Variants in PCSK5 observed in about 807,000 individuals in gnomAD.
PCSK5 encodes prohormone convertase 5.
PCSK5 carries 129 observed loss-of-function variants against 233.2 expected under a neutral mutation model. The ratio of observed to expected loss-of-function variants is 0.55; its 90% CI spans 0.48 to 0.64. The LOEUF is 0.64. PCSK5 is among the 30% of genes least tolerant of loss of function. The pLI is 0.00. For synonymous variants in PCSK5, 825 were observed against 879.2 expected (o/e 0.94, Z 1.09); for missense variants, 2,076 against 2,430.1 (o/e 0.85, Z 3.06).
chr9:76,334,289 C>A (rs1324307562), intron 34 of PCSK5, among the ~76,000 whole-genome samples: 2 of 152,170 alleles, frequency 1.3e-5, no homozygotes, highest in African/African-American at 4.8e-5. Flanking sequence ...GACACAGAAC[C>A]AAACCATATC....
intron 1 of PCSK5, among the ~76,000 whole-genome samples, chr9:75,925,940 G>T (rs151070059): frequency 6.6e-6 from 1 of 152,180 alleles, no homozygotes; most frequent in East Asian, 1.9e-4. Flanking sequence ...AATCAGAAAT[G>T]AGTTTAACAA....
intron 4 of PCSK5, among the ~76,000 whole-genome samples, chr9:76,026,206 A>T (rs1760573309): frequency 6.6e-6 from 1 of 152,220 alleles, no homozygotes; most frequent in South Asian, 2.1e-4. Flanking sequence ...TTTTTCAGTA[A>T]TGCAGGTATT....
chr9:76,154,220 T>C (rs905574615), intron 10 of PCSK5, among the ~76,000 whole-genome samples: 4 of 152,218 alleles, frequency 2.6e-5, no homozygotes, highest in Non-Finnish European at 4.4e-5. Context: ...TAACTGTAGC[T>C]AGTCAGCCTC....
intron 30 of PCSK5, among the ~76,000 whole-genome samples, chr9:76,314,313 A>G (rs147943722): frequency 8.5e-5 from 13 of 152,328 alleles, no homozygotes; most frequent in African/African-American, 3.1e-4. Context: ...ATAGAATTGC[A>G]AGCATATGCC....
At chr9:76,308,330 G>A (rs139236976) in intron 28 of PCSK5, among the ~76,000 whole-genome samples, 1 of 152,218 alleles carries the variant, frequency 6.6e-6, no homozygotes, top group African/African-American at 2.4e-5. Flanking sequence ...ACACACAAAA[G>A]AAGTAATTAT....
intron 24 of PCSK5, among the ~76,000 whole-genome samples, chr9:76,273,675 C>G (rs1827602453): frequency 6.7e-6 from 1 of 150,374 alleles, no homozygotes; most frequent in African/African-American, 2.4e-5. Flanking sequence ...CTCTGTCACC[C>G]AGGCTGGAGT....
At position 75,892,109 on chromosome 9, in the gene PCSK5, C is replaced by A. The variant is rs148771423; in HGVS notation, c.192+736C>A. Among the ~76,000 whole-genome samples, 760 of 152,256 alleles carry A rather than the reference C, an allele frequency of 5.0e-3. 1 individual carries two copies. The highest frequency in any genetic ancestry group is 0.017 in the African/African-American group (723 of 41,554). On this transcript the variant is annotated intron_variant, in intron 1 of 37. Transcript: ENST00000674117. ...CGCTCCGGGAAAACGAGGAGTCTTA[C>A]CCCGGGACGGAAGGTGCCGGGCCGG...
intron 12 of PCSK5, 138 bp from the exon 13 acceptor site, chr9:76,169,566 T>C (rs979608119): frequency 7.0e-6 from 4 of 570,234 alleles, no homozygotes; most frequent in Non-Finnish European, 1.2e-5. Context: ...TGCAAATTGG[T>C]GACATCCAGG....
intron 24 of PCSK5, among the ~76,000 whole-genome samples, chr9:76,278,919 T>G (rs1328803693): frequency 2.0e-5 from 3 of 152,184 alleles, no homozygotes; most frequent in Non-Finnish European, 2.9e-5. Flanking sequence ...ATGTTGCATT[T>G]TTTTTATTAT....
At chr9:76,347,233 G>T (rs1453086770) in intron 35 of PCSK5, among the ~76,000 whole-genome samples, 1 of 152,038 alleles carries the variant, frequency 6.6e-6, no homozygotes, top group Non-Finnish European at 1.5e-5. Flanking sequence ...GACCCCAGAA[G>T]TTGCTCTGCA....
intron 5 of PCSK5, among the ~76,000 whole-genome samples, chr9:76,055,574 A>T (rs1310177204): frequency 1.3e-5 from 2 of 152,250 alleles, no homozygotes; most frequent in Admixed American, 1.3e-4. Context: ...GAGGTTCAGT[A>T]AAATATACTA....
rs922028385 is a variant in PCSK5 at position 76,361,366 on chromosome 9, CTAACTAAA to C, written c.*2448_*2455del. 1.4e-4 allele frequency: 21 copies of C among 151,862 alleles called. No homozygotes were observed. The highest frequency in any genetic ancestry group is 5.1e-4 in the African/African-American group (21 of 41,396). 9.4% of individuals were successfully genotyped at this position (151,862 alleles called of 1,614,324 possible). On this transcript the variant is annotated 3_prime_UTR_variant, in exon 38 of 38. Coordinates refer to ENST00000674117, the MANE Select transcript of PCSK5 (RefSeq NM_001372043.1). The stretch of plus-strand genomic sequence containing the variant: ...TCTCAAAAAATAAGTAACTAACTAA[CTAACTAAA>C]TAAATAAATAAATAAAATTATCTCC...
chr9:76,159,429 C>T (rs922160493), intron 12 of PCSK5, among the ~76,000 whole-genome samples: 1 of 152,194 alleles, frequency 6.6e-6, no homozygotes. Context: ...CTTGATCCTA[C>T]AAAAGAATTG....
chr9:76,193,482 T>TTCTC (rs541704834), intron 20 of PCSK5: 2 of 702,190 alleles, frequency 2.8e-6, no homozygotes, highest in African/African-American at 1.8e-5. Context: ...CTCTTTTTCT[T>TTCTC]TCTCTCTCTC....
At position 76,216,199 on chromosome 9, in the gene PCSK5, A is replaced by G. The variant is rs1054112963; in HGVS notation, c.2627-11304A>G. Among the ~76,000 whole-genome samples, 55 of 152,214 alleles carry G rather than the reference A, an allele frequency of 3.6e-4. 2 individuals are homozygous for G. Among genetic ancestry groups the G allele is most frequent in the Admixed American group, 3.6e-3 (55 of 15,296 alleles). On this transcript the variant is annotated intron_variant, in intron 20 of 37. Transcript: ENST00000674117. ...GTTCTCAGGTCCATATGGTGGAGGG[A>G]GACAGAGGCTACAATGCCACTGGTG...
At chr9:76,289,491 A>ACT (rs1828202997) in intron 24 of PCSK5, among the ~76,000 whole-genome samples, 1 of 133,624 alleles carries the variant, frequency 7.5e-6, no homozygotes, top group African/African-American at 3.0e-5. Context: ...ACACACACAC[A>ACT]CACACACACA....
At chr9:75,912,703 A>G (rs1349546587) in intron 1 of PCSK5, among the ~76,000 whole-genome samples, 1 of 152,192 alleles carries the variant, frequency 6.6e-6, no homozygotes, top group East Asian at 1.9e-4. Flanking sequence ...TGATAACAGA[A>G]GGTAATTGTT....
intron 20 of PCSK5, among the ~76,000 whole-genome samples, chr9:76,220,352 C>A (rs1163356854): frequency 1.3e-5 from 2 of 151,768 alleles, no homozygotes; most frequent in East Asian, 3.9e-4. Flanking sequence ...CATGGTGAAA[C>A]CCTGTCTCTA....
intron 2 of PCSK5, among the ~76,000 whole-genome samples, chr9:75,979,912 C>T (rs1283316800): frequency 6.6e-6 from 1 of 152,168 alleles, no homozygotes; most frequent in African/African-American, 2.4e-5. Flanking sequence ...TCACTGCCAT[C>T]CTGTAGTTTA....
Sources: gnomAD v4.1 joint callset for allele counts (sites outside exome capture counted in the v4.1 genomes callset) on GRCh38, gnomAD v4.1.1 for gene constraint, MANE v1.5 for transcripts, NCBI Gene and HGNC (gene_info 2026-07-23, HGNC 2026-07-21) for gene names.